The following CDH18 variants were observed in gnomAD, a reference collection of about 807,000 sequenced individuals.
CDH18 encodes the protein cadherin 18.
A neutral mutation model predicts 67.9 loss-of-function variants in CDH18; 31 were observed. The ratio of observed to expected loss-of-function variants is 0.46; its 90% CI spans 0.34 to 0.62. The LOEUF (loss-of-function observed/expected upper bound fraction) is 0.62. Among genes scored for constraint, CDH18 ranks in the 20% least tolerant of loss-of-function variants. CDH18 has a pLI of 0.01. For synonymous variants in CDH18, 362 were observed against 347.2 expected (o/e 1.04, Z -0.48); for missense variants, 890 against 975.5 (o/e 0.91, Z 1.17).
chr5:20,027,138 C>T (rs1162624879), intron 2 of CDH18, among the ~76,000 whole-genome samples: 1 of 151,966 alleles, frequency 6.6e-6, no homozygotes, highest in Non-Finnish European at 1.5e-5. Flanking sequence ...ATTTTCACGA[C>T]TGTTTAAAAA....
At chr5:19,862,916 C>A (rs1263236348) in intron 2 of CDH18, among the ~76,000 whole-genome samples, 1 of 151,852 alleles carries the variant, frequency 6.6e-6, no homozygotes, top group Non-Finnish European at 1.5e-5. Flanking sequence ...TATGCCAGGC[C>A]AGCCCTGGCA....
At chr5:19,741,097 CGT>C (rs1491135340) in intron 4 of CDH18, among the ~76,000 whole-genome samples, 14 of 149,040 alleles carry the variant, frequency 9.4e-5, no homozygotes, top group Admixed American at 4.1e-4. Flanking sequence ...ATAGTGTATG[CGT>C]ATATATATAC....
chr5:19,629,675 T>C (rs1752115619), intron 5 of CDH18, among the ~76,000 whole-genome samples: 1 of 152,228 alleles, frequency 6.6e-6, no homozygotes, highest in Non-Finnish European at 1.5e-5. Flanking sequence ...TGTCTGTTTA[T>C]ATAAATATGT....
intron 2 of CDH18, among the ~76,000 whole-genome samples, chr5:20,154,621 T>C (rs1322884055): frequency 6.6e-6 from 1 of 152,124 alleles, no homozygotes; most frequent in East Asian, 1.9e-4. Context: ...CCTCCCTCAG[T>C]CTCTGTGCCA....
At chr5:20,277,269 T>G (rs996147784) in intron 1 of CDH18, among the ~76,000 whole-genome samples, 2 of 152,086 alleles carry the variant, frequency 1.3e-5, no homozygotes, top group Non-Finnish European at 2.9e-5. Flanking sequence ...GGGTTGTTTG[T>G]GTCAACCCTC....
intron 1 of CDH18, among the ~76,000 whole-genome samples, chr5:20,534,396 AATAAT>A (rs1436895933): frequency 7.9e-5 from 12 of 152,198 alleles, no homozygotes; most frequent in African/African-American, 2.4e-4. Context: ...AAAATAATCA[AATAAT>A]ATATTTTTGA....
At chr5:20,098,158 G>A (rs950671869) in intron 2 of CDH18, among the ~76,000 whole-genome samples, 16 of 151,868 alleles carry the variant, frequency 1.1e-4, no homozygotes, top group African/African-American at 3.9e-4. Context: ...TAGAATTAAT[G>A]CAACCATTTG....
At chr5:19,478,469 C>T (rs998256296) in intron 12 of CDH18, 1 of 152,140 alleles carries the variant, frequency 6.6e-6, no homozygotes, top group African/African-American at 2.4e-5. Context: ...GCACACAAAA[C>T]CATTTGAAAT....
chr5:19,945,269 T>C (rs1293861507), intron 2 of CDH18, among the ~76,000 whole-genome samples: 1 of 152,020 alleles, frequency 6.6e-6, no homozygotes, highest in African/African-American at 2.4e-5. Context: ...GGGATCAAGC[T>C]GGGGATACAG....
At chr5:19,636,723 T>C (rs1299774101) in intron 5 of CDH18, among the ~76,000 whole-genome samples, 1 of 152,042 alleles carries the variant, frequency 6.6e-6, no homozygotes, top group Non-Finnish European at 1.5e-5. Flanking sequence ...TCTTTATGTC[T>C]TCCATATTCC....
At chr5:19,768,897 GA>G (rs1271526131) in intron 3 of CDH18, among the ~76,000 whole-genome samples, 1 of 151,750 alleles carries the variant, frequency 6.6e-6, no homozygotes, top group Non-Finnish European at 1.5e-5. Context: ...TAACATATCT[GA>G]AAAAGAAAAG....
intron 1 of CDH18, among the ~76,000 whole-genome samples, chr5:20,267,186 C>T (rs1171815685): frequency 6.6e-6 from 1 of 152,154 alleles, no homozygotes; most frequent in Non-Finnish European, 1.5e-5. Context: ...TTCCTAAAAA[C>T]GAGGTCCGTT....
At chr5:20,127,515 T>TA (rs1052574043) in intron 2 of CDH18, among the ~76,000 whole-genome samples, 57 of 151,692 alleles carry the variant, frequency 3.8e-4, no homozygotes, top group African/African-American at 1.2e-3. Context: ...GTCTTAAAAT[T>TA]AAAAAAAAGG....
At chr5:19,707,021 T>C (rs1454928016) in intron 5 of CDH18, among the ~76,000 whole-genome samples, 1 of 150,036 alleles carries the variant, frequency 6.7e-6, no homozygotes, top group East Asian at 2.0e-4. Context: ...TAACAAAAGG[T>C]TGGGAAATAG....
At chr5:20,482,752 C>T (rs1752904741) in intron 1 of CDH18, among the ~76,000 whole-genome samples, 1 of 151,940 alleles carries the variant, frequency 6.6e-6, no homozygotes, top group Admixed American at 6.6e-5. Context: ...CTCAAAAAAA[C>T]TGGCTATAGA....
At chr5:19,637,675 C>T (rs1156262536) in intron 5 of CDH18, among the ~76,000 whole-genome samples, 3 of 152,150 alleles carry the variant, frequency 2.0e-5, no homozygotes, top group Non-Finnish European at 4.4e-5. Context: ...CACCAATCAC[C>T]AGTCAATGTC....
At chr5:19,960,184 C>T (rs1373868121) in intron 2 of CDH18, among the ~76,000 whole-genome samples, 2 of 151,934 alleles carry the variant, frequency 1.3e-5, no homozygotes, top group South Asian at 2.1e-4. Context: ...TAAGTTTTTG[C>T]ATTATCAGCT....
At chr5:19,494,076 ACTAT>A (rs1435582673) in intron 11 of CDH18, among the ~76,000 whole-genome samples, 3 of 152,156 alleles carry the variant, frequency 2.0e-5, no homozygotes, top group East Asian at 1.9e-4. Flanking sequence ...GTATTTTGAC[ACTAT>A]CTACTACTTT....
rs192065633 is a variant in CDH18 at position 20,266,436 on chromosome 5, C to T, written c.-579-10931G>A. On this transcript the variant is annotated intron_variant, in intron 1 of 14. Coordinates refer to the CDH18 transcript ENST00000507958. ...TTTGTTTGTTTGAGACAGGGTCTCA[C>T]TCCATCGCCCAGGCTGGAGTACAGT... Among the ~76,000 whole-genome samples the T allele has an allele frequency of 2.2e-3, 339 of 152,262 alleles. 1 individual carries two copies. The highest frequency in any genetic ancestry group is 3.8e-3 in the Non-Finnish European group (257 of 68,024).
Sources: gnomAD v4.1 joint callset for allele counts (sites outside exome capture counted in the v4.1 genomes callset) on GRCh38, gnomAD v4.1.1 for gene constraint, MANE v1.5 for transcripts, NCBI Gene and HGNC (gene_info 2026-07-23, HGNC 2026-07-21) for gene names.